JARID2: variants seen among roughly 807,000 people sequenced by gnomAD.
The protein encoded by JARID2 is protein Jumonji.
Under a neutral mutation model 125.6 loss-of-function variants are expected in JARID2, and 21 were observed. The ratio of observed to expected loss-of-function variants is 0.17; its 90% CI spans 0.12 to 0.24. The LOEUF (loss-of-function observed/expected upper bound fraction) is 0.24, where lower values mean the gene tolerates loss of function less well. Among genes scored for constraint, JARID2 ranks in the 10% least tolerant of loss-of-function variants. The pLI, the probability that JARID2 is intolerant of heterozygous loss-of-function variation, is 1.00. For missense variants in JARID2, 1,303 were observed against 1,639.6 expected, an observed-to-expected ratio of 0.79 and a Z score of 3.55; for synonymous variants, 736 against 661.6, an observed-to-expected ratio of 1.11 and a Z score of -1.73.
At chr6:15,248,411 G>T (rs1759276654) in intron 1 of JARID2, 1 of 140,444 alleles carries the variant, frequency 7.1e-6, no homozygotes. Flanking sequence ...GGGGCGCGGG[G>T]AGGGGAGAGC....
chr6:15,452,237 C>A, intron 4 of JARID2, 62 bp downstream of exon 4: 5 of 1,585,294 alleles, frequency 3.2e-6, no homozygotes, highest in Non-Finnish European at 4.3e-6. Context: ...CTGAGGTCTA[C>A]GTGGAGTAAC....
At chr6:15,328,385 A>G (rs532480683) in intron 1 of JARID2, among the ~76,000 whole-genome samples, 2 of 152,302 alleles carry the variant, frequency 1.3e-5, no homozygotes, top group East Asian at 1.9e-4. Flanking sequence ...TAATAACACC[A>G]GTGTCTGCAG....
chr6:15,513,155 C>T, intron 15 of JARID2, 84 bp from the exon 16 acceptor site: 2 of 1,522,336 alleles, frequency 1.3e-6, no homozygotes, highest in African/African-American at 1.5e-5. Flanking sequence ...TGCAGGGAGG[C>T]CGGTGTGGGG....
At chr6:15,437,633 GCAA>G (rs1767265756) in intron 3 of JARID2, among the ~76,000 whole-genome samples, 1 of 151,770 alleles carries the variant, frequency 6.6e-6, no homozygotes, top group African/African-American at 2.4e-5. Context: ...AGACAGATTA[GCAA>G]CAGGGAAAAA....
chr6:15,462,300 G>C (rs1427619838), intron 4 of JARID2, among the ~76,000 whole-genome samples: 3 of 152,250 alleles, frequency 2.0e-5, no homozygotes, highest in Non-Finnish European at 2.9e-5. Flanking sequence ...TGTAAAGTCA[G>C]ACCAGGAATG....
chr6:15,501,112 G>T lies in JARID2; in HGVS notation c.2151G>T (p.Arg717=). Reference sequence around the variant, plus strand: ...ACTCCCTGTCCCCAGAGGAGCACCGGCGGCTGGAGAAGGAGGTGCTGATGG... The same window carrying T: ...ACTCCCTGTCCCCAGAGGAGCACCGTCGGCTGGAGAAGGAGGTGCTGATGG... ...SYDSLSPEEH[R]RLEKEVLMEK... Residue 717 remains arginine (R), a synonymous_variant, in exon 8 of 18, where the codon CGG becomes CGT. Transcript: ENST00000341776. 2 of 1,614,142 alleles carry T rather than the reference G, an allele frequency of 1.2e-6. No individual in the cohort carries two copies. Among genetic ancestry groups the T allele is most frequent in the Non-Finnish European group, 1.7e-6 (2 of 1,179,990 alleles).
chr6:15,444,565 G>T (rs865785500), intron 3 of JARID2, among the ~76,000 whole-genome samples: 1 of 151,928 alleles, frequency 6.6e-6, no homozygotes, highest in African/African-American at 2.4e-5. Flanking sequence ...GTGTGTGTCT[G>T]GGGGGCGAAT....
chr6:15,398,683 C>T (rs1423815792), intron 2 of JARID2, among the ~76,000 whole-genome samples: 1 of 152,162 alleles, frequency 6.6e-6, no homozygotes, highest in Non-Finnish European at 1.5e-5. Context: ...TCAGGCTTTT[C>T]TTATTTCTTA....
At chr6:15,309,547 CATAAA>C (rs1212324758) in intron 1 of JARID2, among the ~76,000 whole-genome samples, 13 of 151,864 alleles carry the variant, frequency 8.6e-5, no homozygotes, top group Admixed American at 8.5e-4. Context: ...TGTTGACTGA[CATAAA>C]ATAAGTGAAA....
chr6:15,312,199 C>T (rs1762036421), intron 1 of JARID2, among the ~76,000 whole-genome samples: 1 of 152,094 alleles, frequency 6.6e-6, no homozygotes, highest in Admixed American at 6.5e-5. Flanking sequence ...GGATTACAGG[C>T]GTTTGCCACC....
At chr6:15,508,278 T>G (rs1771106396) in intron 11 of JARID2, 62 bp from the exon 12 acceptor site, 1 of 826,496 alleles carries the variant, frequency 1.2e-6, no homozygotes, top group Admixed American at 1.8e-5. Flanking sequence ...TTTTACTTAC[T>G]GTTCCTTTGA....
intron 2 of JARID2, among the ~76,000 whole-genome samples, chr6:15,398,615 TC>T (rs1765304058): frequency 6.6e-6 from 1 of 152,222 alleles, no homozygotes. Context: ...CAGGACTGAC[TC>T]GCATGTACTG....
At chr6:15,294,934 A>G (rs923370747) in intron 1 of JARID2, among the ~76,000 whole-genome samples, 5 of 152,068 alleles carry the variant, frequency 3.3e-5, no homozygotes, top group African/African-American at 1.2e-4. Context: ...GAATTGAGAT[A>G]ACTTTTTCTT....
chr6:15,323,840 T>C (rs187972117), intron 1 of JARID2, among the ~76,000 whole-genome samples: 2 of 151,712 alleles, frequency 1.3e-5, no homozygotes, highest in East Asian at 4.0e-4. Context: ...TGCAGTGAGC[T>C]GATCGCGCCA....
chr6:15,286,333 A>G (rs1760998078), intron 1 of JARID2, among the ~76,000 whole-genome samples: 1 of 149,874 alleles, frequency 6.7e-6, no homozygotes, highest in Admixed American at 6.6e-5. Flanking sequence ...GCTCACTGCA[A>G]CCTCTGCTTC....
chr6:15,321,728 A>AATAATAG (rs1762361969), intron 1 of JARID2, among the ~76,000 whole-genome samples: 4 of 151,726 alleles, frequency 2.6e-5, no homozygotes, highest in African/African-American at 7.3e-5. Flanking sequence ...ATGAGACTTC[A>AATAATAG]ATAATAGAGT....
chr6:15,431,606 C>T (rs1007499362), intron 3 of JARID2, among the ~76,000 whole-genome samples: 3 of 152,136 alleles, frequency 2.0e-5, no homozygotes, highest in African/African-American at 7.2e-5. Context: ...CTCAGAAGAC[C>T]AGGATATAAT....
intron 1 of JARID2, among the ~76,000 whole-genome samples, chr6:15,334,687 G>A (rs1266916259): frequency 6.6e-6 from 1 of 152,120 alleles, no homozygotes; most frequent in East Asian, 1.9e-4. Context: ...CCATCATGTT[G>A]TTTGTTTCTT....
intron 1 of JARID2, among the ~76,000 whole-genome samples, chr6:15,323,705 C>G (rs533103967): frequency 2.6e-5 from 4 of 152,114 alleles, no homozygotes; most frequent in Non-Finnish European, 4.4e-5. Flanking sequence ...GCAGGCAGAT[C>G]GCAACATGGT....
Sources: allele counts gnomAD v4.1 joint callset (sites outside exome capture counted in the v4.1 genomes callset), GRCh38; gene constraint gnomAD v4.1.1; transcripts MANE v1.5; gene names NCBI Gene and HGNC (gene_info 2026-07-23, HGNC 2026-07-21).